Variants in MARCHF1 observed in about 807,000 individuals in gnomAD.
MARCHF1 encodes membrane associated ring-CH-type finger 1.
Under a neutral mutation model 54.2 loss-of-function variants are expected in MARCHF1, and 40 were observed. That is an observed-to-expected ratio of 0.74 (90% CI 0.57 to 0.96). The LOEUF (loss-of-function observed/expected upper bound fraction) is 0.96. Ranked by LOEUF, MARCHF1 falls within the 40% of genes least tolerant of loss-of-function variation. MARCHF1 has a pLI of 0.00. For missense variants in MARCHF1, 586 were observed against 656.5 expected, an observed-to-expected ratio of 0.89 and a Z score of 1.17; for synonymous variants, 236 against 236.3, an observed-to-expected ratio of 1.00 and a Z score of 0.01.
chr4:163,592,266 T>C (rs1278061320), intron 7 of MARCHF1, among the ~76,000 whole-genome samples: 4 of 152,188 alleles, frequency 2.6e-5, no homozygotes, highest in Admixed American at 2.6e-4. Context: ...TCTTCATACA[T>C]ATGTGATTTT....
chr4:163,674,111 T>C (rs1015054773), intron 5 of MARCHF1, among the ~76,000 whole-genome samples: 40 of 152,180 alleles, frequency 2.6e-4, no homozygotes, highest in African/African-American at 9.7e-4. Context: ...CAATCCTTAC[T>C]TTCCCTTTCA....
intron 1 of MARCHF1, among the ~76,000 whole-genome samples, chr4:164,308,404 T>C (rs1360648273): frequency 6.6e-6 from 1 of 152,196 alleles, no homozygotes; most frequent in South Asian, 2.1e-4. Context: ...ATCATATTGT[T>C]GTTGGGATCT....
At chr4:163,996,023 T>C (rs1315061620) in intron 2 of MARCHF1, among the ~76,000 whole-genome samples, 1 of 152,084 alleles carries the variant, frequency 6.6e-6, no homozygotes. Flanking sequence ...CTGAATTACA[T>C]GCATAGCCTC....
Position 163,612,348 on chromosome 4 carries a change from T to C in MARCHF1, c.933A>G (p.Ala311=). The change falls in exon 7 of 10, where the codon GCA becomes GCG. Residue 311 remains alanine (A), a synonymous_variant. Transcript: ENST00000514618. ...VPEGSKDMND[A]GLQVNNPVQK... ...GAACAGGGTTATTCACCTGGAGCCC[T>C]GCATCATTCATGTCCTTGCTGCCTT... 6.5e-7 allele frequency: 1 copy of C among 1,535,258 alleles called. No individual in the cohort carries two copies. Among genetic ancestry groups the C allele is most frequent in the Non-Finnish European group, 8.7e-7 (1 of 1,146,388 alleles).
rs552009947 is a variant in MARCHF1, at chr4:163,571,309, C to T, written c.1191+14440G>A. Among the ~76,000 whole-genome samples, 10 of 152,258 alleles carry T rather than the reference C, an allele frequency of 6.6e-5. No homozygotes were observed. The South Asian group carries it at 1.9e-3, about 28-fold the overall frequency. ...ACTCCCTCCCTCCATCTCTGTCCTGCCAGAATGTAAATTCTCTGAGGTCAG... is the reference window on the plus strand; with the variant it reads ...ACTCCCTCCCTCCATCTCTGTCCTGTCAGAATGTAAATTCTCTGAGGTCAG... On this transcript the variant is annotated intron_variant, in intron 8 of 9. Coordinates refer to ENST00000514618, the MANE Select transcript of MARCHF1 (RefSeq NM_001394959.1).
At chr4:164,043,334 C>T (rs552445864) in intron 2 of MARCHF1, among the ~76,000 whole-genome samples, 1 of 152,252 alleles carries the variant, frequency 6.6e-6, no homozygotes, top group Admixed American at 6.5e-5. Context: ...TAAACTTTTG[C>T]CTTATATGCA....
intron 4 of MARCHF1, among the ~76,000 whole-genome samples, chr4:163,802,928 ATGACTTC>A (rs1326446848): frequency 6.6e-6 from 1 of 152,150 alleles, no homozygotes; most frequent in Non-Finnish European, 1.5e-5. Flanking sequence ...CATCGCAGAA[ATGACTTC>A]TGATGGCACA....
chr4:164,213,334 C>G (rs576374063), intron 1 of MARCHF1, among the ~76,000 whole-genome samples: 1 of 151,542 alleles, frequency 6.6e-6, no homozygotes, highest in Non-Finnish European at 1.5e-5. Context: ...CCCAGGTTCA[C>G]GTCATTTTCC....
intron 1 of MARCHF1, among the ~76,000 whole-genome samples, chr4:164,115,552 G>A (rs538508102): frequency 1.3e-5 from 2 of 152,070 alleles, no homozygotes; most frequent in South Asian, 4.2e-4. Context: ...ACAAACATTG[G>A]CATCAAGTAA....
Position 163,590,677 on chromosome 4 carries a change from A to G in MARCHF1, c.1011-4748T>C, listed in dbSNP as rs564670172. Among the ~76,000 whole-genome samples the G allele has an allele frequency of 5.9e-5, 9 of 152,234 alleles. No individual in the cohort carries two copies. In the East Asian group the frequency reaches 1.5e-3, roughly 26 times the overall value. On this transcript the variant is annotated intron_variant, in intron 7 of 9. Transcript: ENST00000514618. ...ATTTTCCACGAATCTCTGACATACA[A>G]CCACAGTGGCATCGTACAGAGTTTA...
chr4:163,886,047 G>T (rs1024623176), intron 3 of MARCHF1, among the ~76,000 whole-genome samples: 1 of 147,930 alleles, frequency 6.8e-6, no homozygotes, highest in Admixed American at 6.8e-5. Flanking sequence ...TGGTATGATA[G>T]TGTGCCCCTG....
chr4:163,913,795 A>T (rs1160429114), intron 3 of MARCHF1, among the ~76,000 whole-genome samples: 2 of 152,044 alleles, frequency 1.3e-5, no homozygotes, highest in Non-Finnish European at 2.9e-5. Context: ...ACTGTCACCA[A>T]TTGTAACTGC....
chr4:163,694,292 TG>T (rs1331600188), intron 5 of MARCHF1, among the ~76,000 whole-genome samples: 1 of 152,184 alleles, frequency 6.6e-6, no homozygotes, highest in Non-Finnish European at 1.5e-5. Flanking sequence ...CTTTGGCTTC[TG>T]GGTGCTTTTG....
intron 1 of MARCHF1, among the ~76,000 whole-genome samples, chr4:164,148,012 T>C (rs1014775316): frequency 6.6e-6 from 1 of 152,078 alleles, no homozygotes; most frequent in Non-Finnish European, 1.5e-5. Flanking sequence ...CATTCATATT[T>C]TATTTTAATA....
chr4:163,832,892 C>T (rs1333817428), intron 4 of MARCHF1, among the ~76,000 whole-genome samples: 3 of 151,942 alleles, frequency 2.0e-5, no homozygotes, highest in African/African-American at 4.8e-5. Flanking sequence ...TTTCCAGGTT[C>T]ATCCATGTCC....
chr4:164,334,325 T>C (rs1304647384), intron 1 of MARCHF1, among the ~76,000 whole-genome samples: 1 of 152,188 alleles, frequency 6.6e-6, no homozygotes, highest in Non-Finnish European at 1.5e-5. Context: ...GACTCTTTTG[T>C]TAGGGGCTAA....
chr4:164,365,662 T>C (rs1283805558), intron 1 of MARCHF1, among the ~76,000 whole-genome samples: 1 of 152,032 alleles, frequency 6.6e-6, no homozygotes, highest in Non-Finnish European at 1.5e-5. Context: ...ACTTTACCAA[T>C]GAGAAATTTG....
chr4:164,226,315 C>G (rs926715597), intron 1 of MARCHF1, among the ~76,000 whole-genome samples: 6 of 151,976 alleles, frequency 3.9e-5, no homozygotes, highest in African/African-American at 1.2e-4. Context: ...CTCTGTAAAT[C>G]AGCAATAAAT....
intron 3 of MARCHF1, among the ~76,000 whole-genome samples, chr4:163,973,107 A>C (rs921551084): frequency 6.6e-6 from 1 of 152,254 alleles, no homozygotes; most frequent in African/African-American, 2.4e-5. Flanking sequence ...AAAGACTATC[A>C]GAACCAGCTG....
Sources: allele counts gnomAD v4.1 joint callset (sites outside exome capture counted in the v4.1 genomes callset), GRCh38; gene constraint gnomAD v4.1.1; transcripts MANE v1.5; gene names NCBI Gene and HGNC (gene_info 2026-07-23, HGNC 2026-07-21).